The following PRKAR1B variants were observed in gnomAD, a reference collection of about 807,000 sequenced individuals.
PRKAR1B encodes protein kinase cAMP-dependent type I regulatory subunit beta, also known as cAMP-dependent protein kinase type I-beta regulatory subunit.
In PRKAR1B, 22 loss-of-function variants were observed where a neutral mutation model predicts 46.5. The ratio of observed to expected loss-of-function variants is 0.47; its 90% CI spans 0.34 to 0.68. PRKAR1B has a LOEUF of 0.68. Ranked by LOEUF, PRKAR1B falls within the 30% of genes least tolerant of loss-of-function variation. The pLI is 0.01. For missense variants in PRKAR1B, 445 were observed against 535.6 expected (o/e 0.83, Z 1.67); for synonymous variants, 259 against 217.7 (o/e 1.19, Z -1.67).
chr7:661,353 C>G (rs1345520424), intron 4 of PRKAR1B, among the ~76,000 whole-genome samples: 1 of 88,958 alleles, frequency 1.1e-5, no homozygotes, highest in African/African-American at 5.1e-5. Flanking sequence ...ACCTACTCTC[C>G]CCACCATGGC....
At chr7:567,888 G>T (rs1779274407) in intron 9 of PRKAR1B, among the ~76,000 whole-genome samples, 1 of 152,030 alleles carries the variant, frequency 6.6e-6, no homozygotes, top group South Asian at 2.1e-4. Context: ...GAGGGGGGTG[G>T]GGAGTGTGTG....
chr7:707,502 C>G (rs1189677487), intron 2 of PRKAR1B, among the ~76,000 whole-genome samples: 12 of 152,150 alleles, frequency 7.9e-5, no homozygotes, highest in African/African-American at 2.4e-4. Context: ...CCCAAGAAGG[C>G]CGCTGGGATC....
intron 4 of PRKAR1B, among the ~76,000 whole-genome samples, chr7:649,352 T>C (rs1324439609): frequency 6.6e-6 from 1 of 152,190 alleles, no homozygotes; most frequent in East Asian, 1.9e-4. Flanking sequence ...AAAAGACGCG[T>C]TGAATGTTTG....
At chr7:728,406 C>A (rs545412430), upstream of PRKAR1B, among the ~76,000 whole-genome samples, 1 of 152,262 alleles carries the variant, frequency 6.6e-6, no homozygotes, top group Admixed American at 6.5e-5. Context: ...AAGTGATAGA[C>A]CCGAGTTCAG....
intron 4 of PRKAR1B, among the ~76,000 whole-genome samples, chr7:675,038 G>T (rs562226675): frequency 3.9e-5 from 6 of 152,204 alleles, no homozygotes; most frequent in African/African-American, 1.4e-4. Context: ...ATCTTCACAG[G>T]CCAATCTCTG....
intron 9 of PRKAR1B, among the ~76,000 whole-genome samples, chr7:575,427 A>T (rs1779763880): frequency 6.6e-6 from 1 of 152,208 alleles, no homozygotes; most frequent in Non-Finnish European, 1.5e-5. Context: ...ACATCATTCC[A>T]CTGCATTCTG....
At chr7:577,190 A>G (rs942937270) in intron 9 of PRKAR1B, among the ~76,000 whole-genome samples, 1 of 152,094 alleles carries the variant, frequency 6.6e-6, no homozygotes, top group Non-Finnish European at 1.5e-5. Flanking sequence ...GAACCAAGAC[A>G]CTGGCTCCCG....
Position 690,444 on chromosome 7 carries a change from C to A in PRKAR1B, c.178-9718G>T, listed in dbSNP as rs915133926. Reference sequence around the variant, plus strand: ...ACGTAACAAACCTGCACACGTACCCCCAAACCTAAAATAAAAGTTGGAAAA... The same window carrying A: ...ACGTAACAAACCTGCACACGTACCCACAAACCTAAAATAAAAGTTGGAAAA... On this transcript the variant is annotated intron_variant, in intron 2 of 10. Coordinates refer to ENST00000537384, the MANE Select transcript of PRKAR1B (RefSeq NM_001164760.2). Among the ~76,000 whole-genome samples, 3 of 152,132 alleles carry A rather than the reference C, an allele frequency of 2.0e-5. No homozygotes were observed. The South Asian group carries it at 6.2e-4, about 32-fold the overall frequency.
At chr7:611,769 AATGGATGGATGG>A (rs66758527) in intron 4 of PRKAR1B, among the ~76,000 whole-genome samples, 17 of 149,954 alleles carry the variant, frequency 1.1e-4, no homozygotes, top group Non-Finnish European at 1.5e-4. Flanking sequence ...TAGACGAATG[AATGGATGGATGG>A]ATGGATGGAT....
upstream of PRKAR1B, chr7:727,335 C>T: frequency 8.1e-7 from 1 of 1,237,000 alleles, no homozygotes. Context: ...CCGGGCCCCG[C>T]TCCCACACGC....
intron 6 of PRKAR1B, among the ~76,000 whole-genome samples, chr7:604,736 C>T (rs967424820): frequency 1.3e-5 from 2 of 152,172 alleles, no homozygotes; most frequent in Admixed American, 6.5e-5. Flanking sequence ...ATAGCGTGGC[C>T]GGGACAGAGG....
rs186474767 is a variant in PRKAR1B at position 715,057 on chromosome 7, C to T, written c.-22-3530G>A. 3.3e-4 allele frequency among the ~76,000 whole-genome samples: 50 copies of T among 152,220 alleles called. No individual in the cohort carries two copies. In the East Asian group the frequency reaches 7.1e-3, roughly 22 times the overall value. Reference sequence around the variant, plus strand: ...AAAATTAGCCGGGCATGGTCATGCACGCCTGTAATCCCCAGCTACTCAGAA... The same window carrying T: ...AAAATTAGCCGGGCATGGTCATGCATGCCTGTAATCCCCAGCTACTCAGAA... On this transcript the variant is annotated intron_variant, in intron 1 of 10. Coordinates refer to ENST00000537384, the MANE Select transcript of PRKAR1B (RefSeq NM_001164760.2).
intron 2 of PRKAR1B, among the ~76,000 whole-genome samples, chr7:704,760 C>A (rs1027453948): frequency 1.3e-5 from 2 of 152,142 alleles, no homozygotes; most frequent in African/African-American, 4.8e-5. Flanking sequence ...CAAAGCAAGA[C>A]TCTGTCTCGG....
In PRKAR1B at chr7:688,458, C is replaced by G. The variant is rs75377023; in HGVS notation, c.178-7732G>C. On this transcript the variant is annotated intron_variant, in intron 2 of 10. Coordinates refer to ENST00000537384, the MANE Select transcript of PRKAR1B (RefSeq NM_001164760.2). Reference sequence around the variant, plus strand: ...ACACTCCCCTGCCCACTGGAACCCTCCAATGGCCTCCGATCTGAGTTGAAA... The same window carrying G: ...ACACTCCCCTGCCCACTGGAACCCTGCAATGGCCTCCGATCTGAGTTGAAA... 8.5e-3 allele frequency among the ~76,000 whole-genome samples: 1,293 copies of G among 152,190 alleles called. 13 individuals carry two copies. Among genetic ancestry groups the G allele is most frequent in the Middle Eastern group, 0.031 (9 of 294 alleles).
At chr7:641,213 A>G (rs1358846698) in intron 4 of PRKAR1B, among the ~76,000 whole-genome samples, 1 of 152,054 alleles carries the variant, frequency 6.6e-6, no homozygotes, top group Non-Finnish European at 1.5e-5. Context: ...CGGCCTCCCA[A>G]AGTTCTGGGA....
intron 4 of PRKAR1B, among the ~76,000 whole-genome samples, chr7:636,513 G>T (rs1784117843): frequency 6.6e-6 from 1 of 152,268 alleles, no homozygotes; most frequent in Non-Finnish European, 1.5e-5. Flanking sequence ...GGGGTGGGGG[G>T]TTTCCTGCCA....
intron 9 of PRKAR1B, among the ~76,000 whole-genome samples, chr7:569,898 C>T (rs1017872151): frequency 1.3e-5 from 2 of 152,228 alleles, no homozygotes; most frequent in African/African-American, 2.4e-5. Flanking sequence ...ACTGTCCCCG[C>T]GCAGATGTCC....
intron 2 of PRKAR1B, chr7:691,889 GCA>G (rs1317536951): frequency 1.2e-5 from 14 of 1,128,314 alleles, no homozygotes; most frequent in Non-Finnish European, 1.5e-5. Context: ...TCTCAGAATG[GCA>G]CAGACGCCTC....
At chr7:595,074 C>T (rs953023049) in intron 7 of PRKAR1B, among the ~76,000 whole-genome samples, 2 of 152,232 alleles carry the variant, frequency 1.3e-5, no homozygotes, top group African/African-American at 4.8e-5. Context: ...AGCACTCTGA[C>T]AGGGTGCTTC....
Sources: allele counts gnomAD v4.1 joint callset (sites outside exome capture counted in the v4.1 genomes callset), GRCh38; gene constraint gnomAD v4.1.1; transcripts MANE v1.5; gene names NCBI Gene and HGNC (gene_info 2026-07-23, HGNC 2026-07-21).